PCDHGA10: variants seen among roughly 807,000 people sequenced by gnomAD.
The protein encoded by PCDHGA10 is protocadherin gamma-A10.
In PCDHGA10, 42 loss-of-function variants were observed where a neutral mutation model predicts 59.5. The observed-to-expected ratio is 0.71, with a 90% CI of 0.55 to 0.91. The LOEUF (loss-of-function observed/expected upper bound fraction) is 0.91, where lower values mean the gene tolerates loss of function less well. PCDHGA10 is among the 40% of genes least tolerant of loss of function. The pLI, the probability that PCDHGA10 is intolerant of heterozygous loss-of-function variation, is 0.00. For synonymous variants in PCDHGA10, 511 were observed against 517.2 expected (o/e 0.99, Z 0.16); for missense variants, 1,111 against 1,198.2 (o/e 0.93, Z 1.07).
intron 1 of PCDHGA10, among the ~76,000 whole-genome samples, chr5:141,433,837 C>CA (rs56191208): frequency 0.14 from 15,134 of 111,544 alleles, 1,164 homozygotes; most frequent in African/African-American, 0.25. Context: ...AACTCTATCT[C>CA]AAAAAAAAAA....
rs767400679 is a variant in PCDHGA10, at chr5:141,476,863, C to T, written c.2437-17944C>T. 2.2e-5 allele frequency: 35 copies of T among 1,613,740 alleles called. No individual in the cohort carries two copies. Among genetic ancestry groups the T allele is most frequent in the Non-Finnish European group, 2.8e-5 (33 of 1,180,062 alleles). On this transcript the variant is annotated intron_variant, in intron 1 of 3. Coordinates refer to ENST00000398610, the MANE Select transcript of PCDHGA10 (RefSeq NM_018913.3). The surrounding 1 kb of genome is among the most constrained non-coding windows in gnomAD (Gnocchi z 7.6). ...CGCCTGTCTTCAACCAGTCCTTGTA[C>T]CGGGCGCGCGTCCTGGAGGATGCAC...
chr5:141,417,939 C>T, intron 1 of PCDHGA10: 1 of 1,612,862 alleles, frequency 6.2e-7, no homozygotes, highest in Non-Finnish European at 8.5e-7. Context: ...TTGTTCTACC[C>T]CACGCTGTGT....
chr5:141,420,465 A>G, intron 1 of PCDHGA10: 1 of 807,604 alleles, frequency 1.2e-6, no homozygotes. Context: ...ATTCAAAGAC[A>G]TTTTAAAGCA....
At position 141,491,251 on chromosome 5, in the gene PCDHGA10, C is replaced by A; in HGVS notation, c.2437-3556C>A. On this transcript the variant is annotated intron_variant, in intron 1 of 3. Coordinates refer to ENST00000398610, the MANE Select transcript of PCDHGA10 (RefSeq NM_018913.3). This position sits in a 1 kb window ranked among gnomAD's most constrained non-coding sequence, Gnocchi z 6.9. ...GCTGCTGGTTCTGGAGGATGAGGAC[C>A]CTGAGGAAATGCCCAAATCCAGTGA... 6.2e-7 allele frequency: 1 copy of A among 1,614,144 alleles called. No homozygotes were observed. Among genetic ancestry groups the A allele is most frequent in the Non-Finnish European group, 8.5e-7 (1 of 1,180,016 alleles).
In PCDHGA10 at chr5:141,491,737, G is replaced by A; in HGVS notation, c.2437-3070G>A. The A allele has an allele frequency of 6.2e-7, 1 of 1,600,586 alleles. No homozygotes were observed. Among genetic ancestry groups the A allele is most frequent in the Non-Finnish European group, 8.5e-7 (1 of 1,174,266 alleles). On this transcript the variant is annotated intron_variant, in intron 1 of 3. Coordinates refer to ENST00000398610, the MANE Select transcript of PCDHGA10 (RefSeq NM_018913.3). This position sits in a 1 kb window ranked among gnomAD's most constrained non-coding sequence, Gnocchi z 6.9. ...GGCGCCGCCCCGGGCGACCCCTGGG[G>A]GCGGCACTGGAGAAGCCGCCCGTCC...
Position 141,491,732 on chromosome 5 carries a change from C to G in PCDHGA10, c.2437-3075C>G. ...GGCTCGGCGCCGCCCCGGGCGACCC[C>G]TGGGGGCGGCACTGGAGAAGCCGCC... On this transcript the variant is annotated intron_variant, in intron 1 of 3. Coordinates refer to ENST00000398610, the MANE Select transcript of PCDHGA10 (RefSeq NM_018913.3). This position sits in a 1 kb window ranked among gnomAD's most constrained non-coding sequence, Gnocchi z 6.9. The G allele has an allele frequency of 1.2e-6, 2 of 1,602,752 alleles. No individual in the cohort carries two copies. Among genetic ancestry groups the G allele is most frequent in the Non-Finnish European group, 1.7e-6 (2 of 1,175,308 alleles).
intron 2 of PCDHGA10, among the ~76,000 whole-genome samples, chr5:141,499,575 T>TCCCTA (rs2099792820): frequency 1.3e-5 from 2 of 152,202 alleles, no homozygotes; most frequent in Non-Finnish European, 2.9e-5. Context: ...CTTCAACTAA[T>TCCCTA]GCCTTATCTT....
At chr5:141,478,821 A>G (rs72790063) in intron 1 of PCDHGA10, 38,524 of 1,444,166 alleles carry the variant, frequency 0.027, 650 homozygotes, top group East Asian at 0.045. Flanking sequence ...CAACTAACCA[A>G]TCTTGCTAAG....
In PCDHGA10 at chr5:141,432,927, G is replaced by A; in HGVS notation, c.2436+17316G>A. On this transcript the variant is annotated intron_variant, in intron 1 of 3. Coordinates refer to ENST00000398610, the MANE Select transcript of PCDHGA10 (RefSeq NM_018913.3). This position sits in a 1 kb window ranked among gnomAD's most constrained non-coding sequence, Gnocchi z 6.0. ...AGGCTGCGGCGCTGGCACAAGTCACGCCTGCTGCAGGCTTCAGGAGGCGGC... is the reference window on the plus strand; with the variant it reads ...AGGCTGCGGCGCTGGCACAAGTCACACCTGCTGCAGGCTTCAGGAGGCGGC... 6.2e-7 allele frequency: 1 copy of A among 1,614,162 alleles called. No individual in the cohort carries two copies. Among genetic ancestry groups the A allele is most frequent in the Non-Finnish European group, 8.5e-7 (1 of 1,180,032 alleles).
intron 1 of PCDHGA10, chr5:141,430,898 G>A: frequency 6.2e-7 from 1 of 1,605,834 alleles, no homozygotes; most frequent in East Asian, 2.2e-5. Flanking sequence ...TAGGGTGGGC[G>A]ACATCTCCAG....
chr5:141,492,846 A>G (rs1404624093), intron 1 of PCDHGA10, among the ~76,000 whole-genome samples: 1 of 152,184 alleles, frequency 6.6e-6, no homozygotes, highest in African/African-American at 2.4e-5. Flanking sequence ...AGGAAGTGAA[A>G]GCCTCGAGCG....
intron 1 of PCDHGA10, among the ~76,000 whole-genome samples, chr5:141,443,787 A>C (rs957552086): frequency 3.3e-5 from 5 of 152,222 alleles, no homozygotes; most frequent in African/African-American, 1.2e-4. Flanking sequence ...AAGACAAAAA[A>C]AATGAAAAGG....
In PCDHGA10 at chr5:141,432,002, G is replaced by T; in HGVS notation, c.2436+16391G>T. The T allele has an allele frequency of 6.2e-7, 1 of 1,614,186 alleles. No homozygotes were observed. The highest frequency in any genetic ancestry group is 1.1e-5 in the South Asian group (1 of 91,090). ...AGACATAGTCTTGGATAGGGAACAGGTTCCTAGCTACAACATCACAGTGAC... is the reference window on the plus strand; with the variant it reads ...AGACATAGTCTTGGATAGGGAACAGTTTCCTAGCTACAACATCACAGTGAC... On this transcript the variant is annotated intron_variant, in intron 1 of 3. Coordinates refer to ENST00000398610, the MANE Select transcript of PCDHGA10 (RefSeq NM_018913.3). The surrounding 1 kb of genome is among the most constrained non-coding windows in gnomAD (Gnocchi z 6.0).
At chr5:141,423,257 G>A in intron 1 of PCDHGA10, 2 of 1,613,946 alleles carry the variant, frequency 1.2e-6, no homozygotes, top group Non-Finnish European at 1.7e-6. Context: ...GCGGACCTCG[G>A]CAGCCTCGAG....
At chr5:141,484,966 G>A in intron 1 of PCDHGA10, 1 of 583,968 alleles carries the variant, frequency 1.7e-6, no homozygotes. Context: ...GAGCCCGGGA[G>A]CCGCTGTCTG....
In PCDHGA10 at chr5:141,414,550, G is replaced by A. The variant is rs773044624; in HGVS notation, c.1375G>A (p.Val459Ile). ...INDNPPTFSQ[V>I]SYFTYIPENN... ...TGACAACCCACCTACCTTCTCTCAA[G>A]TCTCCTACTTTACCTATATCCCAGA... The change falls in exon 1 of 4, where the codon GTC becomes ATC. Residue 459 changes from valine (V) to isoleucine (I), a missense_variant. By Grantham distance (29) the Val-to-Ile change is conservative (BLOSUM62 3). Coordinates refer to ENST00000398610, the MANE Select transcript of PCDHGA10 (RefSeq NM_018913.3). 1 of 1,613,948 alleles carries A rather than the reference G, an allele frequency of 6.2e-7. No homozygotes were observed. Among genetic ancestry groups the A allele is most frequent in the East Asian group, 2.2e-5 (1 of 44,874 alleles).
chr5:141,419,610 C>T (rs779657777), intron 1 of PCDHGA10: 162 of 1,612,012 alleles, frequency 1.0e-4, no homozygotes, highest in Non-Finnish European at 1.3e-4. Flanking sequence ...GCCGCGCAGC[C>T]AGGCTACCTG....
intron 1 of PCDHGA10, chr5:141,427,447 T>A (rs556527924): frequency 1.9e-4 from 92 of 483,324 alleles, no homozygotes; most frequent in African/African-American, 1.4e-3. Context: ...AACGAAAGAG[T>A]TCCTTTTAGA....
intron 1 of PCDHGA10, among the ~76,000 whole-genome samples, chr5:141,466,080 C>A (rs1186062704): frequency 6.6e-6 from 1 of 152,108 alleles, no homozygotes; most frequent in East Asian, 1.9e-4. Flanking sequence ...TGATATCATG[C>A]CACTGCACTC....
Sources: allele counts gnomAD v4.1 joint callset (sites outside exome capture counted in the v4.1 genomes callset), GRCh38; gene constraint gnomAD v4.1.1; non-coding constraint Gnocchi (gnomAD v3.1); transcripts MANE v1.5; gene names NCBI Gene and HGNC (gene_info 2026-07-23, HGNC 2026-07-21).